DPY19L2: variants seen among roughly 807,000 people sequenced by gnomAD.
DPY19L2 encodes probable C-mannosyltransferase DPY19L2.
DPY19L2 carries 34 observed loss-of-function variants against 97.9 expected under a neutral mutation model. The observed-to-expected ratio is 0.35, with a 90% CI of 0.26 to 0.46. The LOEUF is 0.46. DPY19L2 is among the 20% of genes least tolerant of loss of function. The pLI, the probability that DPY19L2 is intolerant of heterozygous loss-of-function variation, is 1.00. For missense variants in DPY19L2, 623 were observed against 911.4 expected, an observed-to-expected ratio of 0.68 and a Z score of 4.07; for synonymous variants, 230 against 307.9, an observed-to-expected ratio of 0.75 and a Z score of 2.65.
chr12:63,635,955 C>A (rs1208514788), intron 6 of DPY19L2, among the ~76,000 whole-genome samples: 1 of 152,068 alleles, frequency 6.6e-6, no homozygotes, highest in Non-Finnish European at 1.5e-5. Flanking sequence ...TCAAGAAGAG[C>A]AACCCCAAGA....
chr12:63,663,007 G>A (rs35513133), intron 3 of DPY19L2, among the ~76,000 whole-genome samples: 30,182 of 152,068 alleles, frequency 0.2, 3,490 homozygotes, highest in Non-Finnish European at 0.27. Flanking sequence ...AAGACAATAC[G>A]AATGTACTTA....
At chr12:63,570,604 T>C (rs562124427) in intron 20 of DPY19L2, among the ~76,000 whole-genome samples, 154 bp downstream of exon 20, 1 of 151,778 alleles carries the variant, frequency 6.6e-6, no homozygotes, top group East Asian at 1.9e-4. Flanking sequence ...TGGATGGTTA[T>C]TGTCATTTTT....
At chr12:63,562,529 T>C (rs967539612) in intron 21 of DPY19L2, among the ~76,000 whole-genome samples, 3 of 152,292 alleles carry the variant, frequency 2.0e-5, no homozygotes. Flanking sequence ...TTCTTTTATT[T>C]TAATAAATAC....
At chr12:63,666,699 G>A (rs113071454) in intron 1 of DPY19L2, 1 of 176,468 alleles carries the variant, frequency 5.7e-6, no homozygotes, top group Non-Finnish European at 1.2e-5. Flanking sequence ...CCAAAGTTTT[G>A]AAGAAAATGA....
intron 21 of DPY19L2, among the ~76,000 whole-genome samples, chr12:63,567,640 A>G (rs1877999684): frequency 1.3e-5 from 2 of 152,030 alleles, no homozygotes; most frequent in Admixed American, 1.3e-4. Context: ...TATCTGAGTT[A>G]CCATCTGGCA....
At chr12:63,646,840 T>A (rs1893476493) in intron 5 of DPY19L2, among the ~76,000 whole-genome samples, 1 of 152,180 alleles carries the variant, frequency 6.6e-6, no homozygotes, top group Non-Finnish European at 1.5e-5. Flanking sequence ...CAATCTATTA[T>A]GGCATATCCA....
At chr12:63,586,065 A>G (rs1377831741) in intron 16 of DPY19L2, among the ~76,000 whole-genome samples, 8 of 152,184 alleles carry the variant, frequency 5.3e-5, no homozygotes. Context: ...AATTCAAAAA[A>G]GAGAGGCTAA....
In DPY19L2 at chr12:63,594,034, G is replaced by C. The variant is rs187287264; in HGVS notation, c.1580+53C>G. The C allele has an allele frequency of 2.2e-4, 274 of 1,254,946 alleles. 2 individuals are homozygous for C. In the African/African-American group the frequency reaches 3.2e-3, roughly 14 times the overall value. 77.7% of individuals were successfully genotyped at this position (1,254,946 alleles called of 1,614,324 possible). Reference sequence around the variant, plus strand: ...ATTTGAAAAATTAATGTTACAGTAAGTTATTTAATAATGGAATACTGTATG... The same window carrying C: ...ATTTGAAAAATTAATGTTACAGTAACTTATTTAATAATGGAATACTGTATG... On this transcript the variant is annotated intron_variant, in intron 16 of 21. Transcript: ENST00000324472.
intron 3 of DPY19L2, among the ~76,000 whole-genome samples, chr12:63,662,284 T>C (rs1286687544): frequency 6.6e-6 from 1 of 152,142 alleles, no homozygotes; most frequent in African/African-American, 2.4e-5. Context: ...AAAAATGCTA[T>C]ATGCTATAAT....
At chr12:63,609,784 G>A (rs533396587) in intron 11 of DPY19L2, among the ~76,000 whole-genome samples, 2 of 152,264 alleles carry the variant, frequency 1.3e-5, no homozygotes, top group African/African-American at 4.8e-5. Context: ...GGTGAAAACA[G>A]TGCTCTCATG....
chr12:63,562,581 CT>C (rs1421705856), intron 21 of DPY19L2, among the ~76,000 whole-genome samples: 1 of 152,080 alleles, frequency 6.6e-6, no homozygotes, highest in East Asian at 1.9e-4. Context: ...GCTAAACTGT[CT>C]TGCAGAGTGG....
At chr12:63,588,846 C>T (rs1401826985) in intron 16 of DPY19L2, among the ~76,000 whole-genome samples, 8 of 151,360 alleles carry the variant, frequency 5.3e-5, no homozygotes, top group Admixed American at 3.9e-4. Flanking sequence ...CTCCGCCTCC[C>T]GGGTTCACGC....
chr12:63,626,908 A>G (rs1331967318), intron 6 of DPY19L2, among the ~76,000 whole-genome samples: 1 of 152,032 alleles, frequency 6.6e-6, no homozygotes, highest in Non-Finnish European at 1.5e-5. Flanking sequence ...GCTCCCAAGT[A>G]GCTCGGATTA....
rs191290537 is a variant in DPY19L2 at position 63,589,298 on chromosome 12, G to A, written c.1580+4789C>T. On this transcript the variant is annotated intron_variant, in intron 16 of 21. Coordinates refer to ENST00000324472, the MANE Select transcript of DPY19L2 (RefSeq NM_173812.5). ...CTGCCTAGAAAATCCAGACATCAAT[G>A]GAAAAACTATCAGAACCAGAAAGAA... Among the ~76,000 whole-genome samples the A allele has an allele frequency of 5.2e-5, 6 of 115,044 alleles. No individual in the cohort carries two copies. The East Asian group carries it at 1.8e-3, about 35-fold the overall frequency. The allele number at this position is 115,044 out of a possible 152,430, so 75.5% of individuals were successfully genotyped here.
chr12:63,595,802 C>T (rs1014344465), intron 15 of DPY19L2, among the ~76,000 whole-genome samples, 164 bp downstream of exon 15: 3 of 152,056 alleles, frequency 2.0e-5, no homozygotes, highest in Non-Finnish European at 2.9e-5. Flanking sequence ...TACCTTTTAT[C>T]ATGGCTTTTT....
At chr12:63,597,659 A>C in intron 14 of DPY19L2, 150 bp downstream of exon 14, 1 of 671,408 alleles carries the variant, frequency 1.5e-6, no homozygotes, top group Non-Finnish European at 2.5e-6. Flanking sequence ...AGACAAAAAA[A>C]ACAAGTGAGG....
chr12:63,638,641 C>T (rs1471347059), intron 6 of DPY19L2, among the ~76,000 whole-genome samples: 9 of 151,978 alleles, frequency 5.9e-5, no homozygotes, highest in African/African-American at 2.2e-4. Context: ...GAATCCAACT[C>T]ACAAGGGATG....
chr12:63,563,892 CA>C (rs956039877), intron 21 of DPY19L2, among the ~76,000 whole-genome samples: 1 of 152,080 alleles, frequency 6.6e-6, no homozygotes, highest in Non-Finnish European at 1.5e-5. Flanking sequence ...CTTTTTACTA[CA>C]AATATAATTT....
intron 14 of DPY19L2, among the ~76,000 whole-genome samples, chr12:63,597,417 T>G (rs1884430093): frequency 6.6e-6 from 1 of 152,134 alleles, no homozygotes; most frequent in East Asian, 1.9e-4. Context: ...AATGTTATAA[T>G]ATTTGGGGTG....
Sources: gnomAD v4.1 joint callset for allele counts (sites outside exome capture counted in the v4.1 genomes callset) on GRCh38, gnomAD v4.1.1 for gene constraint, MANE v1.5 for transcripts, NCBI Gene and HGNC (gene_info 2026-07-23, HGNC 2026-07-21) for gene names.